The following TMC4 variants were observed in gnomAD, a reference collection of about 807,000 sequenced individuals.
TMC4 encodes transmembrane channel like 4.
A neutral mutation model predicts 82.0 loss-of-function variants in TMC4; 70 were observed. That is an observed-to-expected ratio of 0.85 (90% CI 0.70 to 1.04). The LOEUF (loss-of-function observed/expected upper bound fraction) is 1.04, where lower values mean the gene tolerates loss of function less well. Among genes scored for constraint, TMC4 ranks in the 50% least tolerant of loss-of-function variants. TMC4 has a pLI of 0.00. For synonymous variants in TMC4, 446 were observed against 406.0 expected, an observed-to-expected ratio of 1.10 and a Z score of -1.18; for missense variants, 879 against 899.0, an observed-to-expected ratio of 0.98 and a Z score of 0.28.
chr19:54,162,036 C>G (rs963925461), intron 11 of TMC4, 66 bp downstream of exon 11: 4 of 1,435,876 alleles, frequency 2.8e-6, no homozygotes, highest in Non-Finnish European at 3.8e-6. Context: ...CTTCCTTGCC[C>G]TTGACCCAGG....
intron 2 of TMC4, 132 bp from the exon 3 acceptor site, chr19:54,169,792 C>G (rs756118101): frequency 7.6e-7 from 1 of 1,316,422 alleles, no homozygotes; most frequent in Non-Finnish European, 1.0e-6. Flanking sequence ...TACTCTGTAG[C>G]AATAAAAAAG....
In TMC4 at chr19:54,165,335, A is replaced by G; in HGVS notation, c.945+84T>C. The G allele has an allele frequency of 2.8e-6, 4 of 1,406,602 alleles. No individual in the cohort carries two copies. The South Asian group carries it at 4.5e-5, about 16-fold the overall frequency. 87.1% of individuals were successfully genotyped at this position (1,406,602 alleles called of 1,614,324 possible). On this transcript the variant is annotated intron_variant, in intron 6 of 14. Transcript: ENST00000619895. The stretch of plus-strand genomic sequence containing the variant: ...TGCTTAGCATCTCTCCGGAGGCCCC[A>G]TCACCGAGTTAGGCCCTGTGCGTTA...
At chr19:54,167,087 T>G (rs1196645670) in intron 5 of TMC4, among the ~76,000 whole-genome samples, 1 of 151,944 alleles carries the variant, frequency 6.6e-6, no homozygotes. Context: ...AGCAAGACCC[T>G]GTCTCTATAA....
intron 2 of TMC4, 91 bp downstream of exon 2, chr19:54,171,779 G>A (rs369477052): frequency 3.3e-6 from 4 of 1,206,644 alleles, no homozygotes; most frequent in East Asian, 2.6e-5. Context: ...AGCCAGGAGC[G>A]GCAGAGGACA....
intron 10 of TMC4, 83 bp from the exon 11 acceptor site, chr19:54,162,368 A>G: frequency 1.4e-6 from 1 of 737,584 alleles, no homozygotes; most frequent in Non-Finnish European, 2.0e-6. Context: ...GCCCGCCAAT[A>G]GGAAGCATGC....
At chr19:54,161,299 CAAG>C (rs2075545855) in intron 11 of TMC4, 39 bp from the exon 12 acceptor site, 2 of 1,362,382 alleles carry the variant, frequency 1.5e-6, no homozygotes, top group African/African-American at 3.0e-5. Context: ...CTCTGAAACA[CAAG>C]AGTCTGTGCC....
chr19:54,166,619 C>T (rs1004109599), intron 5 of TMC4, among the ~76,000 whole-genome samples: 1 of 152,124 alleles, frequency 6.6e-6, no homozygotes, highest in Non-Finnish European at 1.5e-5. Flanking sequence ...ACCGTATTCC[C>T]CTGTTTAAGA....
rs1230541493 is a variant in TMC4, at chr19:54,168,417, C to T, written c.675+31G>A. 11 of 1,523,082 alleles carry T rather than the reference C, an allele frequency of 7.2e-6. No individual in the cohort carries two copies. The South Asian group carries it at 8.7e-5, about 12-fold the overall frequency. 94.3% of individuals were successfully genotyped at this position (1,523,082 alleles called of 1,614,324 possible). On this transcript the variant is annotated intron_variant, in intron 4 of 14. Coordinates refer to ENST00000619895, the MANE Select transcript of TMC4 (RefSeq NM_144686.4). ...TGAAGGCACTGGGGTCACAGGTGGG[C>T]GGGGAATCCCCCAGGGACCCAGGCA...
intron 8 of TMC4, 45 bp from the exon 9 acceptor site, chr19:54,163,204 C>T (rs1213674333): frequency 6.2e-7 from 1 of 1,610,258 alleles, no homozygotes; most frequent in Admixed American, 1.7e-5. Flanking sequence ...CGGTACCCAC[C>T]ATGTGGCAGT....
rs145377257 is a variant in TMC4, at chr19:54,164,559, G to A, written c.988C>T (p.Arg330Trp). 5.6e-6 allele frequency: 9 copies of A among 1,613,614 alleles called. No homozygotes were observed. In the African/African-American group the frequency reaches 9.3e-5, roughly 17 times the overall value. ...ETVVRRQAAV[R>W]TLGQQARVWL... is the part of the protein sequence containing the mutation. ...ACCCTGGCTTGCTGGCCCAGCGTCC[G>A]CACCGCAGCCTGGCGCCGCACCACT... is the stretch of plus-strand genomic sequence containing the variant. Residue 330 changes from arginine (R) to tryptophan (W), a missense_variant, in exon 7 of 15, where the codon CGG becomes TGG. Transcript: ENST00000619895.
intron 9 of TMC4, 108 bp from the exon 10 acceptor site, chr19:54,162,878 T>C: frequency 6.6e-7 from 1 of 1,515,288 alleles, no homozygotes; most frequent in Non-Finnish European, 9.1e-7. Context: ...CAATACTTTC[T>C]CTGGGGGTCC....
At position 54,165,671 on chromosome 19, in the gene TMC4, C is replaced by G. The variant is rs757879455; in HGVS notation, c.798-105G>C. On this transcript the variant is annotated intron_variant, in intron 5 of 14. Coordinates refer to ENST00000619895, the MANE Select transcript of TMC4 (RefSeq NM_144686.4). ...CAAATGGGGAAGATGAACCCTAAGG[C>G]CTTGGGTACTAGGCGAGTTCCCACC... 20 of 1,361,954 alleles carry G rather than the reference C, an allele frequency of 1.5e-5. No individual in the cohort carries two copies. In the Admixed American group the frequency reaches 4.6e-4, roughly 31 times the overall value. 84.4% of individuals were successfully genotyped at this position (1,361,954 alleles called of 1,614,324 possible). A position where few individuals can be genotyped will look rare whatever the true frequency, so the allele number is the denominator to read the frequency against.
chr19:54,167,763 C>A (rs2075740422), intron 5 of TMC4, among the ~76,000 whole-genome samples: 1 of 151,382 alleles, frequency 6.6e-6, no homozygotes, highest in South Asian at 2.1e-4. Context: ...GGTTACACAG[C>A]AAGACCGAGG....
chr19:54,162,814 C>T (rs752685226), intron 9 of TMC4, 44 bp from the exon 10 acceptor site: 26 of 1,572,960 alleles, frequency 1.7e-5, no homozygotes, highest in Non-Finnish European at 2.2e-5. Flanking sequence ...GGGACCCGGG[C>T]ACCTGGAGGC....
chr19:54,163,927 T>C (rs2146878849), intron 7 of TMC4, 40 bp from the exon 8 acceptor site: 1 of 1,605,152 alleles, frequency 6.2e-7, no homozygotes, highest in Non-Finnish European at 8.5e-7. Flanking sequence ...CTTGGGGTCC[T>C]GGAGGAGCCA....
chr19:54,172,071 G>C lies in TMC4; in HGVS notation c.92C>G (p.Ser31Cys). The change falls in exon 2 of 15, where the codon TCT becomes TGT. Residue 31 changes from serine (S) to cysteine (C), a missense_variant. Coordinates refer to ENST00000619895, the MANE Select transcript of TMC4 (RefSeq NM_144686.4). ...PREARGGPSLSSVLNELPSAA... is the reference protein window; with the variant it reads ...PREARGGPSLCSVLNELPSAA... ...ACTGGGCAGCTCGTTCAGCACAGAA[G>C]ACAGCGATGGGCCTGGGGAGGAGCA... is the stretch of plus-strand genomic sequence containing the variant. 1 of 1,600,728 alleles carries C rather than the reference G, an allele frequency of 6.2e-7. No individual in the cohort carries two copies. The highest frequency in any genetic ancestry group is 8.5e-7 in the Non-Finnish European group (1 of 1,172,476).
At chr19:54,168,811 TC>T (rs1243981888) in intron 3 of TMC4, 131 bp from the exon 4 acceptor site, 1 of 92,092 alleles carries the variant, frequency 1.1e-5, no homozygotes, top group African/African-American at 2.1e-4. Context: ...TCTTTTCTTT[TC>T]TTTTCTTTTC....
At chr19:54,162,016 C>T in intron 11 of TMC4, 86 bp downstream of exon 11, 2 of 1,213,714 alleles carry the variant, frequency 1.6e-6, no homozygotes, top group Non-Finnish European at 2.3e-6. Flanking sequence ...GTAATCCAGG[C>T]CCCCAGGATC....
At chr19:54,160,706 A>G (rs2075522071) in intron 13 of TMC4, 161 bp from the exon 14 acceptor site, 1 of 1,426,536 alleles carries the variant, frequency 7.0e-7, no homozygotes, top group Non-Finnish European at 9.4e-7. Context: ...CAGGAGTCCT[A>G]CGTCCCGCCC....
Sources: allele counts gnomAD v4.1 joint callset (sites outside exome capture counted in the v4.1 genomes callset), GRCh38; gene constraint gnomAD v4.1.1; transcripts MANE v1.5; gene names NCBI Gene and HGNC (gene_info 2026-07-23, HGNC 2026-07-21).